GMDS: variants seen among roughly 807,000 people sequenced by gnomAD.
GMDS encodes the protein GDP-mannose 4,6 dehydratase.
A neutral mutation model predicts 49.9 loss-of-function variants in GMDS; 20 were observed. That is an observed-to-expected ratio of 0.40 (90% CI 0.28 to 0.58). GMDS has a LOEUF of 0.58. GMDS is among the 20% of genes least tolerant of loss of function. The pLI is 0.42. For missense variants in GMDS, 362 were observed against 481.4 expected, an observed-to-expected ratio of 0.75 and a Z score of 2.32; for synonymous variants, 177 against 178.6, an observed-to-expected ratio of 0.99 and a Z score of 0.07.
At chr6:1,896,196 C>T (rs962757099) in intron 7 of GMDS, among the ~76,000 whole-genome samples, 3 of 152,050 alleles carry the variant, frequency 2.0e-5, no homozygotes, top group South Asian at 2.1e-4. Flanking sequence ...CCCTGTGTAT[C>T]GGAGGATGTT....
chr6:1,974,486 G>A (rs942893150), intron 4 of GMDS, among the ~76,000 whole-genome samples: 21 of 152,260 alleles, frequency 1.4e-4, no homozygotes, highest in African/African-American at 5.1e-4. Flanking sequence ...GCAGAGGTCC[G>A]GGAAAGGAAC....
intron 1 of GMDS, among the ~76,000 whole-genome samples, chr6:2,237,929 T>C (rs1467355138): frequency 6.6e-6 from 1 of 152,118 alleles, no homozygotes; most frequent in Non-Finnish European, 1.5e-5. Context: ...ACATCAATCA[T>C]GAAACTAAAG....
chr6:1,764,806 C>T (rs1319421263), intron 7 of GMDS, among the ~76,000 whole-genome samples: 2 of 152,140 alleles, frequency 1.3e-5, no homozygotes, highest in African/African-American at 2.4e-5. Context: ...TGATTCCTTG[C>T]CCAAAATCGT....
intron 4 of GMDS, among the ~76,000 whole-genome samples, chr6:2,033,091 T>C (rs1769069489): frequency 6.6e-6 from 1 of 152,222 alleles, no homozygotes; most frequent in Admixed American, 6.5e-5. Flanking sequence ...ATGAAGTCTT[T>C]GCAATTCAAG....
intron 7 of GMDS, among the ~76,000 whole-genome samples, chr6:1,747,286 G>A (rs558802950): frequency 2.6e-5 from 4 of 152,240 alleles, no homozygotes; most frequent in East Asian, 3.9e-4. Flanking sequence ...CTTCCACCTC[G>A]ACGTTAACCT....
At chr6:2,040,737 C>A (rs1769626036) in intron 4 of GMDS, among the ~76,000 whole-genome samples, 1 of 152,168 alleles carries the variant, frequency 6.6e-6, no homozygotes, top group Non-Finnish European at 1.5e-5. Flanking sequence ...CTTCTCCTCA[C>A]CCTTCTCCCC....
chr6:1,775,596 T>C (rs753296316), intron 7 of GMDS, among the ~76,000 whole-genome samples: 27 of 152,208 alleles, frequency 1.8e-4, no homozygotes, highest in Non-Finnish European at 3.7e-4. Context: ...ACACATTACT[T>C]TGAAGCCTGT....
chr6:1,910,635 G>A (rs904633090), intron 7 of GMDS, among the ~76,000 whole-genome samples: 4 of 152,120 alleles, frequency 2.6e-5, no homozygotes, highest in Non-Finnish European at 1.5e-5. Flanking sequence ...AGAGGCTGAG[G>A]ACCCAACATA....
chr6:2,134,432 GA>G (rs1775891853), intron 1 of GMDS, among the ~76,000 whole-genome samples: 1 of 152,134 alleles, frequency 6.6e-6, no homozygotes, highest in South Asian at 2.1e-4. Flanking sequence ...TCTCTAGGTG[GA>G]AAAATAACTT....
intron 4 of GMDS, among the ~76,000 whole-genome samples, chr6:2,017,229 G>T (rs535490323): frequency 6.6e-5 from 10 of 152,024 alleles, no homozygotes; most frequent in African/African-American, 2.4e-4. Flanking sequence ...TTCATGCCAG[G>T]AATGAAAGAC....
chr6:1,726,788 T>C (rs1027152960), intron 8 of GMDS, among the ~76,000 whole-genome samples: 5 of 152,168 alleles, frequency 3.3e-5, no homozygotes, highest in African/African-American at 1.2e-4. Context: ...AGCCAGAAAA[T>C]AAAATTGGGC....
At chr6:1,892,623 G>T (rs1359790808) in intron 7 of GMDS, among the ~76,000 whole-genome samples, 1 of 152,164 alleles carries the variant, frequency 6.6e-6, no homozygotes, top group Non-Finnish European at 1.5e-5. Context: ...CTCCCAAAGT[G>T]CTGAGATTAC....
At chr6:2,044,882 CTG>C (rs147113585) in intron 4 of GMDS, among the ~76,000 whole-genome samples, 34,443 of 150,268 alleles carry the variant, frequency 0.23, 4,040 homozygotes, top group Non-Finnish European at 0.25. Flanking sequence ...TTTTTCTTTT[CTG>C]TGTGTGTGTG....
chr6:1,763,840 C>T (rs978352102), intron 7 of GMDS, among the ~76,000 whole-genome samples: 3 of 152,118 alleles, frequency 2.0e-5, no homozygotes, highest in African/African-American at 4.8e-5. Flanking sequence ...AGTGAACATC[C>T]GCTCCTGAGA....
intron 9 of GMDS, among the ~76,000 whole-genome samples, chr6:1,701,672 C>T (rs537301872): frequency 8.5e-5 from 13 of 152,146 alleles, no homozygotes; most frequent in South Asian, 4.2e-4. Context: ...TATTTTCCAA[C>T]GTTAATCCAT....
intron 4 of GMDS, among the ~76,000 whole-genome samples, chr6:2,081,875 A>T (rs184528905): frequency 6.6e-6 from 1 of 152,270 alleles, no homozygotes; most frequent in African/African-American, 2.4e-5. Flanking sequence ...GCAAAAAGAT[A>T]TCAACGAAGG....
At chr6:2,028,521 G>A (rs1378972097) in intron 4 of GMDS, among the ~76,000 whole-genome samples, 2 of 152,072 alleles carry the variant, frequency 1.3e-5, no homozygotes, top group Admixed American at 6.5e-5. Context: ...CATCTTCGTC[G>A]CTCAGGACAA....
chr6:2,089,348 A>G (rs1042163569), intron 4 of GMDS, among the ~76,000 whole-genome samples: 8 of 152,330 alleles, frequency 5.3e-5, no homozygotes, highest in African/African-American at 1.9e-4. Context: ...GGTTCTAACA[A>G]TAGACTATTT....
rs1756782685 is a variant in GMDS at position 1,833,614 on chromosome 6, GA to G, written c.772-91029del. On this transcript the variant is annotated intron_variant, in intron 7 of 10. Transcript: ENST00000380815. This position sits in a 1 kb window ranked among gnomAD's most constrained non-coding sequence, Gnocchi z 4.4. Reference sequence around the variant, plus strand: ...TTGAGAGAGAAATGTTTAGACTCATGACAAGTCTTTGTGCAGAAAACAAAAC... The same window carrying G: ...TTGAGAGAGAAATGTTTAGACTCATGCAAGTCTTTGTGCAGAAAACAAAAC... Among the ~76,000 whole-genome samples the G allele has an allele frequency of 6.6e-6, 1 of 151,870 alleles. No homozygotes were observed. The highest frequency in any genetic ancestry group is 2.1e-4 in the South Asian group (1 of 4,818).
Sources: allele counts gnomAD v4.1 joint callset (sites outside exome capture counted in the v4.1 genomes callset), GRCh38; gene constraint gnomAD v4.1.1; non-coding constraint Gnocchi (gnomAD v3.1); transcripts MANE v1.5; gene names NCBI Gene and HGNC (gene_info 2026-07-23, HGNC 2026-07-21).